Variants in RCOR2 observed in about 807,000 individuals in gnomAD.
The protein encoded by RCOR2 is REST corepressor 2.
In RCOR2, 19 loss-of-function variants were observed where a neutral mutation model predicts 58.9. The observed-to-expected ratio is 0.32, with a 90% CI of 0.23 to 0.47. The LOEUF (loss-of-function observed/expected upper bound fraction) is 0.47. Ranked by LOEUF, RCOR2 falls within the 20% of genes least tolerant of loss-of-function variation. The probability of loss-of-function intolerance (pLI) is 1.00; values close to 1 mark genes in which losing one functional copy is unlikely to be tolerated. For missense variants in RCOR2, 590 were observed against 707.9 expected, an observed-to-expected ratio of 0.83 and a Z score of 1.89; for synonymous variants, 286 against 278.7, an observed-to-expected ratio of 1.03 and a Z score of -0.26.
Position 63,911,646 on chromosome 11 carries a change from G to T in RCOR2, c.*219C>A, listed in dbSNP as rs1167134360. 1 of 657,024 alleles carries T rather than the reference G, an allele frequency of 1.5e-6. No homozygotes were observed. Among genetic ancestry groups the T allele is most frequent in the Non-Finnish European group, 2.3e-6 (1 of 435,660 alleles). The allele number at this position is 657,024 out of a possible 1,614,324, so 40.7% of individuals were successfully genotyped here. On this transcript the variant is annotated 3_prime_UTR_variant, in exon 12 of 12. Transcript: ENST00000301459. ...AGGAAGCGAAAGTGCCCTCAGGCCA[G>T]CTCAAAGGCCCCTGAGCCCGGCCAT...
intron 8 of RCOR2, 78 bp downstream of exon 8, chr11:63,913,876 C>A: frequency 7.4e-7 from 1 of 1,344,058 alleles, no homozygotes; most frequent in East Asian, 2.3e-5. Context: ...CTCGCTTACA[C>A]CTCAGCTCCC....
In RCOR2 at chr11:63,914,011, G is replaced by A. The variant is rs774349808; in HGVS notation, c.834C>T (p.Asp278=). 1.2e-6 allele frequency: 2 copies of A among 1,613,782 alleles called. No homozygotes were observed. Among genetic ancestry groups the A allele is most frequent in the South Asian group, 1.1e-5 (1 of 91,082 alleles). The part of the protein sequence containing the change: ...EGLTAVSGSP[D]LANLTLRGLD... Reference sequence around the variant, plus strand: ...GACCTCGGAGCGTGAGGTTGGCAAGGTCCGGGCTTCCTGACACTGCCGTGA... The same window carrying A: ...GACCTCGGAGCGTGAGGTTGGCAAGATCCGGGCTTCCTGACACTGCCGTGA... The change falls in exon 8 of 12, where the codon GAC becomes GAT. Residue 278 remains aspartate (D), a synonymous_variant. Transcript: ENST00000301459.
chr11:63,924,621 C>A, the RCOR2 span, among the ~76,000 whole-genome samples: 4 of 152,146 alleles, frequency 2.6e-5, no homozygotes, highest in Non-Finnish European at 5.9e-5. Context: ...CCCTCCTGGC[C>A]TTCATCCTAT....
Position 63,911,696 on chromosome 11 carries a change from C to A in RCOR2, c.*169G>T. 8.8e-7 allele frequency: 1 copy of A among 1,139,106 alleles called. No homozygotes were observed. The highest frequency in any genetic ancestry group is 1.2e-6 in the Non-Finnish European group (1 of 869,524). 70.6% of individuals were successfully genotyped at this position (1,139,106 alleles called of 1,614,324 possible). ...TGGCCCCAGGAGACAGGCCCAGCTG[C>A]CAGGAACACATGCAGAACCCAAAGG... On this transcript the variant is annotated 3_prime_UTR_variant, in exon 12 of 12. Coordinates refer to ENST00000301459, the MANE Select transcript of RCOR2 (RefSeq NM_173587.4).
upstream of RCOR2, among the ~76,000 whole-genome samples, chr11:63,919,544 C>G (rs944733584): frequency 2.0e-5 from 3 of 152,168 alleles, no homozygotes; most frequent in Non-Finnish European, 4.4e-5. Context: ...ATCGTCCTCC[C>G]CCAGGCCTGG....
rs1372812573 is a variant in RCOR2, at chr11:63,915,263, A to G, written c.185-5T>C. ...TGCTGTAGCGTGCGGGGCTCTCTGAAAGGCCGAGGAGCAGGAGGGAAGACA... is the reference window on the plus strand; with the variant it reads ...TGCTGTAGCGTGCGGGGCTCTCTGAGAGGCCGAGGAGCAGGAGGGAAGACA... On this transcript the variant is annotated splice_region_variant and splice_polypyrimidine_tract_variant and intron_variant, in intron 2 of 11. Coordinates refer to ENST00000301459, the MANE Select transcript of RCOR2 (RefSeq NM_173587.4). 1 of 1,551,062 alleles carries G rather than the reference A, an allele frequency of 6.4e-7. No homozygotes were observed. The highest frequency in any genetic ancestry group is 1.4e-5 in the African/African-American group (1 of 73,062).
the RCOR2 span, among the ~76,000 whole-genome samples, chr11:63,927,470 T>C: frequency 6.6e-6 from 1 of 152,062 alleles, no homozygotes; most frequent in Non-Finnish European, 1.5e-5. Flanking sequence ...GGTCTTGCTA[T>C]GCTGCCCAGC....
At chr11:63,915,848 G>A (rs1310694134) in intron 1 of RCOR2, among the ~76,000 whole-genome samples, 2 of 152,232 alleles carry the variant, frequency 1.3e-5, no homozygotes, top group East Asian at 1.9e-4. Context: ...TGGACAAGGG[G>A]ACAGTTTTAG....
chr11:63,919,685 G>C (rs1941903573), upstream of RCOR2, among the ~76,000 whole-genome samples: 1 of 152,224 alleles, frequency 6.6e-6, no homozygotes, highest in African/African-American at 2.4e-5. Context: ...TGGGCAGCGC[G>C]GCCGAGAACC....
chr11:63,913,857 C>T (rs1590734755), intron 8 of RCOR2, 97 bp downstream of exon 8: 2 of 1,166,774 alleles, frequency 1.7e-6, no homozygotes, highest in Non-Finnish European at 2.6e-6. Context: ...GGCTCGGCCC[C>T]TGAACCATCT....
At position 63,914,129 on chromosome 11, in the gene RCOR2, C is replaced by T; in HGVS notation, c.716G>A (p.Gly239Glu). The T allele has an allele frequency of 1.9e-6, 3 of 1,613,892 alleles. No homozygotes were observed. The highest frequency in any genetic ancestry group is 1.7e-4 in the Middle Eastern group (1 of 6,054). The change falls in exon 8 of 12, where the codon GGG becomes GAG. Residue 239 changes from glycine to glutamate, a missense_variant. Transcript: ENST00000301459. ...CTGAGACACCTGGACCTCCTTTTTC[C>T]CAGGGCCTGGGCGTGCATTCAGGGG... ...SRPLNARPGP[G>E]KKEVQVSQYR...
the RCOR2 span, among the ~76,000 whole-genome samples, chr11:63,924,679 C>A: frequency 1.7e-4 from 26 of 152,106 alleles, no homozygotes; most frequent in African/African-American, 6.3e-4. Flanking sequence ...CTCTTGACTT[C>A]CTCTAATCTG....
Position 63,914,685 on chromosome 11 carries a change from A to G in RCOR2, c.450T>C (p.His150=), listed in dbSNP as rs761526051. 6 of 1,609,022 alleles carry G rather than the reference A, an allele frequency of 3.7e-6. No individual in the cohort carries two copies. The African/African-American group carries it at 4.0e-5, about 11-fold the overall frequency. ...GCTGGATCCGCTGGAAGCATTTGCC[A>G]TGGAAGCCAAAGGCCTGTTCAAACA... The part of the protein sequence containing the change: ...KVLFEQAFGF[H]GKCFQRIQQM... The change falls in exon 5 of 12, where the codon CAT becomes CAC. Residue 150 remains histidine, a synonymous_variant. Coordinates refer to ENST00000301459, the MANE Select transcript of RCOR2 (RefSeq NM_173587.4).
rs1474529240 is a variant in RCOR2, at chr11:63,911,984, G to A, written c.1453C>T (p.Pro485Ser). The A allele has an allele frequency of 5.1e-6, 7 of 1,360,790 alleles. No homozygotes were observed. The highest frequency in any genetic ancestry group is 3.0e-5 in the South Asian group (2 of 66,624). The allele number at this position is 1,360,790 out of a possible 1,614,324, so 84.3% of individuals were successfully genotyped here. ...GCGGGGCGGATGAGAGGCGGTGGGG[G>A]CTGGTTGGGGGCCAGCCGGGGCTGG... Reference protein sequence around the residue: ...FLQPRLAPNQPPPPLIRPALA... With the variant: ...FLQPRLAPNQSPPPLIRPALA... The change falls in exon 12 of 12, where the codon CCC (proline) becomes TCC (serine). Residue 485 changes from proline to serine, a missense_variant. Pro to Ser is a moderately conservative substitution (Grantham distance 74, BLOSUM62 -1). This residue lies in a region of RCOR2 where 196 missense variants were observed against 210.7 expected (regional missense o/e 0.93). Coordinates refer to ENST00000301459, the MANE Select transcript of RCOR2 (RefSeq NM_173587.4).
At chr11:63,918,532 A>C (rs1056263242), upstream of RCOR2, among the ~76,000 whole-genome samples, 22 of 152,310 alleles carry the variant, frequency 1.4e-4, no homozygotes, top group Non-Finnish European at 2.1e-4. Context: ...TGGATTGGGC[A>C]CCAAGCCCCA....
Position 63,915,228 on chromosome 11 carries a change from A to G in RCOR2, c.215T>C (p.Leu72Pro), listed in dbSNP as rs1191771301. 1 of 1,551,412 alleles carries G rather than the reference A, an allele frequency of 6.4e-7. No individual in the cohort carries two copies. The highest frequency in any genetic ancestry group is 1.4e-5 in the African/African-American group (1 of 73,150). ...GGGTGACCACACCAGCATCCCCTTCAGCTCCTTGTTGCTGTAGCGTGCGGG... is the reference window on the plus strand; with the variant it reads ...GGGTGACCACACCAGCATCCCCTTCGGCTCCTTGTTGCTGTAGCGTGCGGG... ...ESPARYSNKE[L>P]KGMLVWSPNH... Residue 72 changes from leucine to proline, a missense_variant, in exon 3 of 12, where the codon CTG becomes CCG. Leu to Pro is a moderately conservative substitution (Grantham distance 98). This residue lies in a region of RCOR2 where 390 missense variants were observed against 478.7 expected (regional missense o/e 0.81). Coordinates refer to ENST00000301459, the MANE Select transcript of RCOR2 (RefSeq NM_173587.4).
Position 63,912,072 on chromosome 11 carries a change from T to G in RCOR2, c.1365A>C (p.Pro455=), listed in dbSNP as rs1590732351. ...GCAGAGTGGGAGCCGTGGGCAAAGG[T>G]GGCCTCAGCAGCGGGGGTGGCTGGG... ...SLSQPPPLLR[P]PLPTAPTLLR... is the part of the protein sequence containing the mutation. The change falls in exon 12 of 12, where the codon CCA becomes CCC. Residue 455 remains proline (P), a synonymous_variant. Coordinates refer to ENST00000301459, the MANE Select transcript of RCOR2 (RefSeq NM_173587.4). The G allele has an allele frequency of 7.6e-6, 9 of 1,185,334 alleles. No homozygotes were observed. The highest frequency in any genetic ancestry group is 9.5e-6 in the Non-Finnish European group (9 of 948,656). 73.4% of individuals were successfully genotyped at this position (1,185,334 alleles called of 1,614,324 possible). A position where few individuals can be genotyped will look rare whatever the true frequency, so the allele number is the denominator to read the frequency against.
intron 1 of RCOR2, among the ~76,000 whole-genome samples, chr11:63,916,082 C>T (rs1171418454): frequency 1.3e-4 from 20 of 152,208 alleles, no homozygotes; most frequent in Admixed American, 1.3e-3. Context: ...GGGAGGGATG[C>T]CTCGGTCCCT....
At chr11:63,921,281 C>T (rs865790419), upstream of RCOR2, among the ~76,000 whole-genome samples, 2 of 152,212 alleles carry the variant, frequency 1.3e-5, no homozygotes, top group African/African-American at 2.4e-5. Context: ...ACAACAGCTG[C>T]GCCCTCTGGC....
Sources: gnomAD v4.1 joint callset for allele counts (sites outside exome capture counted in the v4.1 genomes callset) on GRCh38, gnomAD v4.1.1 for gene constraint, gnomAD v4.1.1 regional missense constraint, MANE v1.5 for transcripts, NCBI Gene and HGNC (gene_info 2026-07-23, HGNC 2026-07-21) for gene names.